The following GALNT14 variants were observed in gnomAD, a reference collection of about 807,000 sequenced individuals.
GALNT14 encodes UDP-GalNAc:polypeptide N-acetylgalactosaminyltransferase 14.
Under a neutral mutation model 77.5 loss-of-function variants are expected in GALNT14, and 60 were observed. That is an observed-to-expected ratio of 0.77 (90% CI 0.63 to 0.96). The LOEUF (loss-of-function observed/expected upper bound fraction) is 0.96, where lower values mean the gene tolerates loss of function less well. Ranked by LOEUF, GALNT14 falls within the 40% of genes least tolerant of loss-of-function variation. The pLI, the probability that GALNT14 is intolerant of heterozygous loss-of-function variation, is 0.00. For synonymous variants in GALNT14, 280 were observed against 281.7 expected, an observed-to-expected ratio of 0.99 and a Z score of 0.06; for missense variants, 710 against 731.0, an observed-to-expected ratio of 0.97 and a Z score of 0.33.
At chr2:30,942,049 C>G (rs1666405819) in intron 9 of GALNT14, 152 bp downstream of exon 9, 1 of 556,362 alleles carries the variant, frequency 1.8e-6, no homozygotes, top group African/African-American at 1.9e-5. Flanking sequence ...CGCTTTCCCC[C>G]AAAAGAGTAA....
chr2:31,048,579 A>G (rs898496164), intron 1 of GALNT14, among the ~76,000 whole-genome samples: 11 of 145,884 alleles, frequency 7.5e-5, no homozygotes, highest in African/African-American at 2.8e-4. Flanking sequence ...AGGCCCTGGG[A>G]CTGCCTCCCC....
In GALNT14 at chr2:30,955,985, G is replaced by A; in HGVS notation, c.467-8C>T. On this transcript the variant is annotated splice_region_variant and splice_polypyrimidine_tract_variant and intron_variant, in intron 4 of 14. Transcript: ENST00000349752. ...GCTGTTTACAGTCATCAGCTGCAAA[G>A]ACAAAAGGTTAAGCCAATTGAGCGC... 1.9e-6 allele frequency: 3 copies of A among 1,614,198 alleles called. No homozygotes were observed. The highest frequency in any genetic ancestry group is 2.5e-6 in the Non-Finnish European group (3 of 1,180,014).
chr2:30,904,534 A>G, the GALNT14 span, among the ~76,000 whole-genome samples: 1 of 152,170 alleles, frequency 6.6e-6, no homozygotes, highest in Admixed American at 6.5e-5. Flanking sequence ...ACGAGATTAT[A>G]TCCCACACCT....
intron 1 of GALNT14, among the ~76,000 whole-genome samples, chr2:31,130,931 A>C (rs1307318807): frequency 6.6e-6 from 1 of 152,212 alleles, no homozygotes; most frequent in East Asian, 1.9e-4. Context: ...TGGTAAAATA[A>C]TTAAAAGTAA....
chr2:30,903,637 G>A, the GALNT14 span, among the ~76,000 whole-genome samples: 1 of 152,230 alleles, frequency 6.6e-6, no homozygotes, highest in Non-Finnish European at 1.5e-5. Context: ...TGAGATGACT[G>A]TGACCCTGGC....
At chr2:30,918,406 G>A (rs1266738478) in intron 13 of GALNT14, among the ~76,000 whole-genome samples, 4 of 152,166 alleles carry the variant, frequency 2.6e-5, no homozygotes, top group Non-Finnish European at 5.9e-5. Context: ...TCACTGCAAG[G>A]AACAAATGGG....
At chr2:30,982,609 T>C (rs1324460214) in intron 2 of GALNT14, among the ~76,000 whole-genome samples, 1 of 152,166 alleles carries the variant, frequency 6.6e-6, no homozygotes, top group Non-Finnish European at 1.5e-5. Context: ...CCAAGCAACA[T>C]CAATCTACAG....
intron 6 of GALNT14, among the ~76,000 whole-genome samples, chr2:30,949,805 T>C (rs543211882): frequency 6.6e-6 from 1 of 152,346 alleles, no homozygotes; most frequent in South Asian, 2.1e-4. Context: ...CCTCACAGTC[T>C]AGAGAAGGCG....
chr2:30,959,669 G>A (rs368453420), intron 3 of GALNT14, among the ~76,000 whole-genome samples: 1 of 152,276 alleles, frequency 6.6e-6, no homozygotes, highest in Admixed American at 6.5e-5. Context: ...GATAACAAAT[G>A]GTTGCAATTT....
At chr2:31,042,286 A>G (rs977621087) in intron 1 of GALNT14, among the ~76,000 whole-genome samples, 1 of 152,080 alleles carries the variant, frequency 6.6e-6, no homozygotes, top group Non-Finnish European at 1.5e-5. Context: ...CTTTTCAAAA[A>G]CTCATCTATT....
chr2:31,094,311 C>T (rs1006352354), intron 1 of GALNT14, among the ~76,000 whole-genome samples: 2 of 152,218 alleles, frequency 1.3e-5, no homozygotes, highest in African/African-American at 4.8e-5. Context: ...CACTGCCTAT[C>T]CCAAAACCTA....
rs1037856351 is a variant in GALNT14 at position 30,917,101 on chromosome 2, A to G, written c.1381-4759T>C. 9.2e-4 allele frequency among the ~76,000 whole-genome samples: 139 copies of G among 150,324 alleles called. 2 individuals carry two copies. Among genetic ancestry groups the G allele is most frequent in the Non-Finnish European group, 3.3e-4 (22 of 67,432 alleles). ...CAAAAAAAAAAAAAAAAAAAAAAAA[A>G]AAAAGAGGCAGGAGTGAGGACGAGC... On this transcript the variant is annotated intron_variant, in intron 13 of 14. Coordinates refer to ENST00000349752, the MANE Select transcript of GALNT14 (RefSeq NM_024572.4).
At chr2:30,975,011 G>A (rs1668554198) in intron 2 of GALNT14, among the ~76,000 whole-genome samples, 1 of 152,178 alleles carries the variant, frequency 6.6e-6, no homozygotes, top group Non-Finnish European at 1.5e-5. Context: ...TAAAAGCTGA[G>A]CAAAGGCCAA....
intron 13 of GALNT14, among the ~76,000 whole-genome samples, chr2:30,920,716 C>A (rs1664979931): frequency 6.6e-6 from 1 of 152,080 alleles, no homozygotes; most frequent in Non-Finnish European, 1.5e-5. Flanking sequence ...ATGTGGATTT[C>A]TTTCAGTCCC....
intron 1 of GALNT14, among the ~76,000 whole-genome samples, chr2:31,009,380 T>A (rs943834359): frequency 6.6e-6 from 1 of 152,142 alleles, no homozygotes; most frequent in African/African-American, 2.4e-5. Flanking sequence ...GACTTTGGCA[T>A]CTTCTTCATT....
At chr2:31,007,342 C>T (rs1670743346) in intron 1 of GALNT14, among the ~76,000 whole-genome samples, 3 of 152,190 alleles carry the variant, frequency 2.0e-5, no homozygotes, top group Non-Finnish European at 2.9e-5. Context: ...GATGAACTAT[C>T]AGAATGGGAT....
intron 1 of GALNT14, among the ~76,000 whole-genome samples, chr2:31,008,222 G>T (rs1347554066): frequency 6.6e-6 from 1 of 152,050 alleles, no homozygotes; most frequent in Non-Finnish European, 1.5e-5. Flanking sequence ...GTAGCTGGCT[G>T]GGACTACAGG....
At chr2:30,918,511 A>T (rs976299643) in intron 13 of GALNT14, among the ~76,000 whole-genome samples, 9 of 152,216 alleles carry the variant, frequency 5.9e-5, no homozygotes, top group African/African-American at 1.7e-4. Context: ...CAACAAGAAG[A>T]GAGAGGACCT....
At chr2:31,098,975 T>G (rs1677132171) in intron 1 of GALNT14, among the ~76,000 whole-genome samples, 1 of 152,074 alleles carries the variant, frequency 6.6e-6, no homozygotes, top group Non-Finnish European at 1.5e-5. Flanking sequence ...GAGGGGTTGG[T>G]CTTGCTGTGT....
Sources: allele counts gnomAD v4.1 joint callset (sites outside exome capture counted in the v4.1 genomes callset), GRCh38; gene constraint gnomAD v4.1.1; transcripts MANE v1.5; gene names NCBI Gene and HGNC (gene_info 2026-07-23, HGNC 2026-07-21).